ZNG1C: variants seen among roughly 807,000 people sequenced by gnomAD.
ZNG1C encodes zinc-regulated GTPase metalloprotein activator 1C.
chr9:68,297,169 G>A, the ZNG1C span, among the ~76,000 whole-genome samples: 1 of 149,726 alleles, frequency 6.7e-6, no homozygotes, highest in Non-Finnish European at 1.5e-5. Context: ...CACTCCCCAG[G>A]ATTGTTGTGA....
At chr9:68,256,197 T>A in the ZNG1C span, among the ~76,000 whole-genome samples, 1 of 150,824 alleles carries the variant, frequency 6.6e-6, no homozygotes, top group African/African-American at 2.4e-5. Context: ...TGTCACTAAC[T>A]GGGCCTGTGA....
At chr9:68,281,175 A>G in the ZNG1C span, among the ~76,000 whole-genome samples, 4 of 151,760 alleles carry the variant, frequency 2.6e-5, no homozygotes, top group Admixed American at 1.3e-4. Context: ...AAGTGAGACA[A>G]TGCCTCGCCC....
the ZNG1C span, chr9:68,269,205 A>C: frequency 4.4e-6 from 2 of 456,896 alleles, no homozygotes; most frequent in African/African-American, 4.0e-5. Flanking sequence ...CCATGATAAC[A>C]CTGTGTAAGT....
At chr9:68,270,911 C>A in the ZNG1C span, 1 of 149,168 alleles carries the variant, frequency 6.7e-6, no homozygotes, top group Non-Finnish European at 1.5e-5. Flanking sequence ...AAACAAAAAA[C>A]CCGGAGATAT....
the ZNG1C span, among the ~76,000 whole-genome samples, chr9:68,266,716 T>G: frequency 1.4e-5 from 2 of 144,118 alleles, no homozygotes; most frequent in Non-Finnish European, 3.0e-5. Context: ...TTGTTCTGTT[T>G]TTTTTTTTTT....
At chr9:68,284,764 A>G in the ZNG1C span, among the ~76,000 whole-genome samples, 28 of 146,842 alleles carry the variant, frequency 1.9e-4, no homozygotes, top group African/African-American at 7.0e-4. Flanking sequence ...TTTCCGATTC[A>G]TGAGTTTCAG....
At chr9:68,265,074 T>C in the ZNG1C span, among the ~76,000 whole-genome samples, 1 of 127,466 alleles carries the variant, frequency 7.8e-6, no homozygotes, top group African/African-American at 2.9e-5. Flanking sequence ...TTTATTTTAG[T>C]AGAGATGGGG....
the ZNG1C span, among the ~76,000 whole-genome samples, chr9:68,286,900 C>T: frequency 1.9e-5 from 2 of 103,508 alleles, no homozygotes; most frequent in African/African-American, 4.2e-5. Flanking sequence ...AATACAAGTC[C>T]TTGGAGATAG....
chr9:68,263,212 TG>T, the ZNG1C span, among the ~76,000 whole-genome samples: 1 of 131,984 alleles, frequency 7.6e-6, no homozygotes, highest in South Asian at 2.5e-4. Flanking sequence ...GAAACTGGTT[TG>T]GCTCTGATAT....
chr9:68,295,399 GAC>G, the ZNG1C span, among the ~76,000 whole-genome samples: 2 of 115,768 alleles, frequency 1.7e-5, no homozygotes, highest in Admixed American at 9.3e-5. Flanking sequence ...AATCATTCTA[GAC>G]ATTGGCTTAG....
chr9:68,291,057 A>T, the ZNG1C span, among the ~76,000 whole-genome samples: 1 of 6,620 alleles, frequency 1.5e-4, no homozygotes, highest in African/African-American at 4.6e-4. Context: ...GCAACAGGCT[A>T]ATACAGCATA....
chr9:68,279,136 CTT>C, the ZNG1C span, among the ~76,000 whole-genome samples: 1 of 125,942 alleles, frequency 7.9e-6, no homozygotes, highest in Non-Finnish European at 1.7e-5. Flanking sequence ...CAACCCCTGC[CTT>C]TTTTTGTTTT....
chr9:68,276,060 G>A, the ZNG1C span, among the ~76,000 whole-genome samples: 402 of 152,188 alleles, frequency 2.6e-3, 2 homozygotes, highest in Non-Finnish European at 4.6e-3. Flanking sequence ...GCCAGTGATG[G>A]TGAGCATTTT....
the ZNG1C span, among the ~76,000 whole-genome samples, chr9:68,256,726 G>A: frequency 0.68 from 82,074 of 119,854 alleles, 28,395 homozygotes; most frequent in Middle Eastern, 0.76. Context: ...AAATGGAATG[G>A]GTATAAATAG....
At chr9:68,290,425 G>T in the ZNG1C span, among the ~76,000 whole-genome samples, 2 of 55,784 alleles carry the variant, frequency 3.6e-5, no homozygotes, top group East Asian at 5.1e-4. Context: ...CAAAAAATTA[G>T]CCAGGCATGG....
chr9:68,244,535 A>G, the ZNG1C span, among the ~76,000 whole-genome samples: 2 of 127,696 alleles, frequency 1.6e-5, no homozygotes, highest in South Asian at 4.8e-4. Context: ...TACATGTAAA[A>G]GTTTTTAGCA....
chr9:68,275,511 T>G, the ZNG1C span, among the ~76,000 whole-genome samples: 1 of 127,522 alleles, frequency 7.8e-6, no homozygotes, highest in Non-Finnish European at 1.6e-5. Context: ...GAGTGTGATG[T>G]TCCCCTTCCT....
chr9:68,290,956 T>G, the ZNG1C span, among the ~76,000 whole-genome samples: 3 of 151,546 alleles, frequency 2.0e-5, no homozygotes, highest in African/African-American at 7.3e-5. Flanking sequence ...GCTGAAAAAT[T>G]ACTGTCACAC....
chr9:68,294,755 T>C, the ZNG1C span, among the ~76,000 whole-genome samples: 1 of 147,714 alleles, frequency 6.8e-6, no homozygotes, highest in East Asian at 2.0e-4. Context: ...TTAAAGACAC[T>C]ATTCCACAAG....
Sources: gnomAD v4.1 joint callset for allele counts (sites outside exome capture counted in the v4.1 genomes callset) on GRCh38, gnomAD v4.1.1 for gene constraint, MANE v1.5 for transcripts, NCBI Gene and HGNC (gene_info 2026-07-23, HGNC 2026-07-21) for gene names.